PIP5K1B: variants seen among roughly 807,000 people sequenced by gnomAD.
The protein encoded by PIP5K1B is phosphatidylinositol-4-phosphate 5-kinase type 1 beta, also known as phosphatidylinositol 4-phosphate 5-kinase type-1 beta.
Under a neutral mutation model 67.0 loss-of-function variants are expected in PIP5K1B, and 42 were observed. The ratio of observed to expected loss-of-function variants is 0.63; its 90% CI spans 0.49 to 0.81. The LOEUF is 0.81. PIP5K1B is among the 30% of genes least tolerant of loss of function. The probability of loss-of-function intolerance (pLI) is 0.00; values close to 1 mark genes in which losing one functional copy is unlikely to be tolerated. For synonymous variants in PIP5K1B, 214 were observed against 231.4 expected (o/e 0.92, Z 0.68); for missense variants, 459 against 646.3 (o/e 0.71, Z 3.14).
intron 14 of PIP5K1B, among the ~76,000 whole-genome samples, chr9:68,981,716 A>G (rs1435693276): frequency 2.6e-5 from 4 of 152,242 alleles, no homozygotes; most frequent in African/African-American, 9.6e-5. Context: ...CTATAAAATT[A>G]TCAATGACTG....
intron 2 of PIP5K1B, chr9:68,780,123 A>C: frequency 4.0e-6 from 6 of 1,487,336 alleles, no homozygotes; most frequent in Non-Finnish European, 5.3e-6. Context: ...TGGGAATCCT[A>C]GGTCCCTGAC....
At chr9:68,867,847 A>C (rs1213651963) in intron 5 of PIP5K1B, among the ~76,000 whole-genome samples, 1 of 152,230 alleles carries the variant, frequency 6.6e-6, no homozygotes, top group Non-Finnish European at 1.5e-5. Context: ...CAACGAGTCT[A>C]TCTGGGTCAT....
intron 1 of PIP5K1B, among the ~76,000 whole-genome samples, chr9:68,740,749 A>T (rs560302042): frequency 4.4e-4 from 67 of 152,336 alleles, no homozygotes; most frequent in African/African-American, 1.4e-3. Context: ...TGCCTTCCTC[A>T]TGGCGTATTT....
chr9:68,709,347 C>T (rs1827275191), intron 1 of PIP5K1B, among the ~76,000 whole-genome samples: 2 of 152,042 alleles, frequency 1.3e-5, no homozygotes, highest in South Asian at 4.1e-4. Context: ...ATCCTCCCAC[C>T]TCAACTTCCT....
At chr9:68,723,518 T>C (rs1386222847) in intron 1 of PIP5K1B, among the ~76,000 whole-genome samples, 1 of 152,122 alleles carries the variant, frequency 6.6e-6, no homozygotes, top group African/African-American at 2.4e-5. Flanking sequence ...TTTTGATTTT[T>C]TTTGGTAATA....
At chr9:68,839,801 G>A (rs1821822992) in intron 4 of PIP5K1B, among the ~76,000 whole-genome samples, 1 of 152,180 alleles carries the variant, frequency 6.6e-6, no homozygotes, top group South Asian at 2.1e-4. Context: ...CCAGGGTGCT[G>A]TATTCCTGTT....
chr9:68,892,365 T>C (rs1290813178), intron 7 of PIP5K1B, among the ~76,000 whole-genome samples: 1 of 152,158 alleles, frequency 6.6e-6, no homozygotes, highest in African/African-American at 2.4e-5. Context: ...CTATAGCATA[T>C]ACAAAAAATA....
intron 15 of PIP5K1B, among the ~76,000 whole-genome samples, chr9:69,003,282 G>A (rs1217391864): frequency 6.6e-6 from 1 of 152,074 alleles, no homozygotes; most frequent in Non-Finnish European, 1.5e-5. Context: ...AGAAACAGGA[G>A]CTGTGTGTAG....
chr9:68,994,518 A>G (rs530155725), intron 15 of PIP5K1B, among the ~76,000 whole-genome samples: 3 of 152,304 alleles, frequency 2.0e-5, no homozygotes, highest in Non-Finnish European at 4.4e-5. Flanking sequence ...AGATTCTCAC[A>G]TCTGTTTCTG....
chr9:68,829,144 T>A (rs1834149442), intron 4 of PIP5K1B, among the ~76,000 whole-genome samples: 1 of 152,200 alleles, frequency 6.6e-6, no homozygotes, highest in African/African-American at 2.4e-5. Context: ...ATATTTAATT[T>A]TGAACTATGT....
chr9:68,718,567 C>T (rs889279640), intron 1 of PIP5K1B, among the ~76,000 whole-genome samples: 1 of 152,212 alleles, frequency 6.6e-6, no homozygotes, highest in African/African-American at 2.4e-5. Flanking sequence ...AACCTTTGGG[C>T]AGGCTGTTTT....
At chr9:68,835,791 C>A (rs1587528951) in intron 4 of PIP5K1B, among the ~76,000 whole-genome samples, 1 of 150,300 alleles carries the variant, frequency 6.7e-6, no homozygotes, top group South Asian at 2.1e-4. Flanking sequence ...ATCTAACCTT[C>A]ATGGATTAAA....
chr9:68,936,031 A>T (rs1227562225), intron 13 of PIP5K1B: 1 of 152,230 alleles, frequency 6.6e-6, no homozygotes, highest in Non-Finnish European at 1.5e-5. Flanking sequence ...TGGCTTGTAC[A>T]TATACCTTTT....
At chr9:68,752,851 C>T (rs1458533186) in intron 2 of PIP5K1B, among the ~76,000 whole-genome samples, 2 of 152,126 alleles carry the variant, frequency 1.3e-5, no homozygotes, top group Admixed American at 6.5e-5. Flanking sequence ...ATTTGCTTGC[C>T]TTTCAGTTTT....
At chr9:68,983,135 A>C (rs1829956765) in intron 14 of PIP5K1B, among the ~76,000 whole-genome samples, 1 of 152,246 alleles carries the variant, frequency 6.6e-6, no homozygotes, top group African/African-American at 2.4e-5. Flanking sequence ...AAACAAAAGT[A>C]AATGTGAGAC....
chr9:68,903,701 A>G (rs1172047033), intron 8 of PIP5K1B, among the ~76,000 whole-genome samples: 2 of 152,210 alleles, frequency 1.3e-5, no homozygotes, highest in Non-Finnish European at 2.9e-5. Context: ...AGCTACAAAA[A>G]TCAAAATAAC....
chr9:68,883,380 G>C lies in PIP5K1B; in HGVS notation c.319-5601G>C, dbSNP rs142884858. On this transcript the variant is annotated intron_variant, in intron 6 of 15. Coordinates refer to ENST00000265382, the MANE Select transcript of PIP5K1B (RefSeq NM_003558.4). Reference sequence around the variant, plus strand: ...ATCTGTAGGCTTAGGCTCTAATGCTGTTTAGCAAGAGATTGTCAAGAAGCA... The same window carrying C: ...ATCTGTAGGCTTAGGCTCTAATGCTCTTTAGCAAGAGATTGTCAAGAAGCA... Among the ~76,000 whole-genome samples the C allele has an allele frequency of 2.0e-5, 3 of 152,282 alleles. No homozygotes were observed. In the East Asian group the frequency reaches 5.8e-4, roughly 29 times the overall value.
At chr9:69,008,386 G>A in intron 15 of PIP5K1B, 61 bp from the exon 16 acceptor site, 1 of 1,525,778 alleles carries the variant, frequency 6.6e-7, no homozygotes, top group Non-Finnish European at 9.1e-7. Context: ...GCGACTCATG[G>A]GGAGAGGTTA....
chr9:68,836,791 T>C (rs893838977), intron 4 of PIP5K1B, among the ~76,000 whole-genome samples: 1 of 152,218 alleles, frequency 6.6e-6, no homozygotes, highest in Non-Finnish European at 1.5e-5. Context: ...AAGGCTGTCT[T>C]ACCAGAAGCC....
Sources: allele counts gnomAD v4.1 joint callset (sites outside exome capture counted in the v4.1 genomes callset), GRCh38; gene constraint gnomAD v4.1.1; transcripts MANE v1.5; gene names NCBI Gene and HGNC (gene_info 2026-07-23, HGNC 2026-07-21).